The following GALNT14 variants were observed in gnomAD, a reference collection of about 807,000 sequenced individuals.
GALNT14 encodes the protein UDP-GalNAc:polypeptide N-acetylgalactosaminyltransferase 14.
Under a neutral mutation model 77.5 loss-of-function variants are expected in GALNT14, and 60 were observed. The observed-to-expected ratio is 0.77, with a 90% CI of 0.63 to 0.96. The LOEUF (loss-of-function observed/expected upper bound fraction) is 0.96, where lower values mean the gene tolerates loss of function less well. Among genes scored for constraint, GALNT14 ranks in the 40% least tolerant of loss-of-function variants. The pLI is 0.00. For missense variants in GALNT14, 710 were observed against 731.0 expected (o/e 0.97, Z 0.33); for synonymous variants, 280 against 281.7 (o/e 0.99, Z 0.06).
chr2:30,946,580 G>T (rs995568835), intron 6 of GALNT14, among the ~76,000 whole-genome samples: 12 of 152,144 alleles, frequency 7.9e-5, no homozygotes, highest in African/African-American at 2.7e-4. Context: ...CCAGCATCAT[G>T]CTTCCTATAC....
At chr2:31,044,301 TA>T (rs1335536381) in intron 1 of GALNT14, among the ~76,000 whole-genome samples, 9 of 152,190 alleles carry the variant, frequency 5.9e-5, no homozygotes, top group Non-Finnish European at 1.2e-4. Flanking sequence ...ACTGCCCTCT[TA>T]AAATAAACAC....
At chr2:31,073,419 A>C (rs891543171) in intron 1 of GALNT14, among the ~76,000 whole-genome samples, 1 of 152,170 alleles carries the variant, frequency 6.6e-6, no homozygotes, top group African/African-American at 2.4e-5. Context: ...ATTCTAGTGG[A>C]AGAGATGGAC....
At chr2:30,975,177 G>A (rs74539405) in intron 2 of GALNT14, among the ~76,000 whole-genome samples, 42 of 152,320 alleles carry the variant, frequency 2.8e-4, no homozygotes, top group African/African-American at 7.2e-4. Flanking sequence ...TCTGGTGTCC[G>A]TGGAGAGGTC....
chr2:31,045,277 G>A (rs1004274125), intron 1 of GALNT14, among the ~76,000 whole-genome samples: 16 of 152,126 alleles, frequency 1.1e-4, no homozygotes, highest in African/African-American at 3.1e-4. Flanking sequence ...AACAACTGTG[G>A]TGCCAAGCTG....
At chr2:30,910,123 G>A (rs1426491189), downstream of GALNT14, among the ~76,000 whole-genome samples, 6 of 151,574 alleles carry the variant, frequency 4.0e-5, no homozygotes, top group African/African-American at 1.5e-4. Flanking sequence ...TGACGAGTTA[G>A]TGGGTGCAGT....
chr2:30,905,821 G>C (rs1332438367), downstream of GALNT14, among the ~76,000 whole-genome samples: 3 of 150,902 alleles, frequency 2.0e-5, no homozygotes, highest in African/African-American at 7.3e-5. Context: ...GAAAGGTCGG[G>C]TTACCCTCAA....
chr2:31,092,655 T>C lies in GALNT14; in HGVS notation c.129+45303A>G, dbSNP rs533123525. On this transcript the variant is annotated intron_variant, in intron 1 of 14. Coordinates refer to ENST00000349752, the MANE Select transcript of GALNT14 (RefSeq NM_024572.4). ...TGGCTTCAAAAAGTCAACCTGGGAC[T>C]GGAGACCCATTTCAGTCAATATAAA... 2.1e-3 allele frequency among the ~76,000 whole-genome samples: 318 copies of C among 152,300 alleles called. 2 individuals carry two copies. The highest frequency in any genetic ancestry group is 7.4e-3 in the African/African-American group (308 of 41,574).
chr2:31,024,404 C>T (rs369898018), intron 1 of GALNT14, among the ~76,000 whole-genome samples: 3 of 152,262 alleles, frequency 2.0e-5, no homozygotes, highest in East Asian at 1.9e-4. Context: ...GCCCCACACA[C>T]GGTGGCCCAA....
chr2:31,003,695 G>A (rs746485845), intron 1 of GALNT14, among the ~76,000 whole-genome samples: 3 of 152,214 alleles, frequency 2.0e-5, no homozygotes, highest in Non-Finnish European at 4.4e-5. Context: ...CAGCTTTCTG[G>A]AAGAAGAAAA....
chr2:30,962,464 C>A (rs1667750172), intron 3 of GALNT14, among the ~76,000 whole-genome samples: 1 of 152,246 alleles, frequency 6.6e-6, no homozygotes, highest in South Asian at 2.1e-4. Context: ...TCAGAGCCCC[C>A]ATGGGAGGGG....
intron 2 of GALNT14, among the ~76,000 whole-genome samples, chr2:30,981,760 G>A (rs1421992298): frequency 6.6e-6 from 1 of 152,214 alleles, no homozygotes; most frequent in East Asian, 1.9e-4. Context: ...ACCGGCAGAA[G>A]TATTTTCAAA....
intron 1 of GALNT14, among the ~76,000 whole-genome samples, chr2:31,035,328 C>A (rs976058227): frequency 3.3e-5 from 5 of 151,770 alleles, no homozygotes; most frequent in African/African-American, 4.8e-5. Context: ...ATAGATTGAC[C>A]CTTTTATAAT....
intron 1 of GALNT14, among the ~76,000 whole-genome samples, chr2:31,097,512 TAAAC>T (rs1677062225): frequency 1.7e-5 from 2 of 116,632 alleles, no homozygotes; most frequent in African/African-American, 7.1e-5. Flanking sequence ...AGCACCCAAA[TAAAC>T]AAACAAGCAA....
chr2:30,902,305 T>G, the GALNT14 span, among the ~76,000 whole-genome samples: 1 of 152,228 alleles, frequency 6.6e-6, no homozygotes, highest in African/African-American at 2.4e-5. Context: ...AGAGAGCATT[T>G]GGATAACTCT....
chr2:31,130,774 G>GCGCGCC lies in GALNT14; in HGVS notation c.129+7183_129+7184insGGCGCG, dbSNP rs1220969519. Reference sequence around the variant, plus strand: ...TGTGTGTGTGTGTGTGTGTGTGTGTGTGTGTGTGTGCGCGCGCACCTGTGT... The same window carrying GCGCGCC: ...TGTGTGTGTGTGTGTGTGTGTGTGTGCGCGCCTGTGTGTGTGCGCGCGCACCTGTGT... On this transcript the variant is annotated intron_variant, in intron 1 of 14. Transcript: ENST00000349752. 1.2e-3 allele frequency among the ~76,000 whole-genome samples: 165 copies of GCGCGCC among 142,650 alleles called. 4 individuals carry two copies. In the South Asian group the frequency reaches 0.033, roughly 28 times the overall value. The allele number at this position is 142,650 out of a possible 152,430, so 93.6% of individuals were successfully genotyped here.
At chr2:30,926,731 G>C (rs1665405370) in intron 11 of GALNT14, among the ~76,000 whole-genome samples, 1 of 151,344 alleles carries the variant, frequency 6.6e-6, no homozygotes, top group Non-Finnish European at 1.5e-5. Context: ...CCTAGGGACT[G>C]GGGGACACCA....
chr2:30,900,550 A>G, the GALNT14 span, among the ~76,000 whole-genome samples: 1 of 152,178 alleles, frequency 6.6e-6, no homozygotes, highest in African/African-American at 2.4e-5. Context: ...TTGAGTGTCT[A>G]CAATAAGATA....
chr2:31,002,777 C>A (rs1227802179), intron 1 of GALNT14, among the ~76,000 whole-genome samples: 1 of 152,164 alleles, frequency 6.6e-6, no homozygotes, highest in Non-Finnish European at 1.5e-5. Flanking sequence ...CTGTCAGTGG[C>A]AGACATTCCC....
chr2:30,942,090 A>G, intron 9 of GALNT14, 111 bp downstream of exon 9: 1 of 696,734 alleles, frequency 1.4e-6, no homozygotes, highest in Admixed American at 2.4e-5. Context: ...CATCCAAAGC[A>G]CGTGTCACTC....
Sources: allele counts gnomAD v4.1 joint callset (sites outside exome capture counted in the v4.1 genomes callset), GRCh38; gene constraint gnomAD v4.1.1; transcripts MANE v1.5; gene names NCBI Gene and HGNC (gene_info 2026-07-23, HGNC 2026-07-21).